Variants in RAPGEF4 observed in about 807,000 individuals in gnomAD.
RAPGEF4 encodes Rap guanine nucleotide exchange factor 4.
Under a neutral mutation model 147.9 loss-of-function variants are expected in RAPGEF4, and 66 were observed. The observed-to-expected ratio is 0.45, with a 90% CI of 0.37 to 0.55. The LOEUF (loss-of-function observed/expected upper bound fraction) is 0.55. Among genes scored for constraint, RAPGEF4 ranks in the 20% least tolerant of loss-of-function variants. RAPGEF4 has a pLI of 0.00. For synonymous variants in RAPGEF4, 419 were observed against 442.7 expected (o/e 0.95, Z 0.67); for missense variants, 1,071 against 1,257.3 (o/e 0.85, Z 2.24).
At chr2:173,029,779 T>A (rs1306695716) in intron 25 of RAPGEF4, among the ~76,000 whole-genome samples, 1 of 152,196 alleles carries the variant, frequency 6.6e-6, no homozygotes, top group African/African-American at 2.4e-5. Context: ...GAGGAGGATA[T>A]CCACCTTCAG....
chr2:172,831,207 C>T (rs1447999285), intron 4 of RAPGEF4, among the ~76,000 whole-genome samples: 2 of 148,198 alleles, frequency 1.3e-5, no homozygotes, highest in Admixed American at 6.8e-5. Context: ...CTATTAGCAC[C>T]GTCTGATGTT....
At chr2:172,850,499 T>A (rs1217569510) in intron 4 of RAPGEF4, among the ~76,000 whole-genome samples, 1 of 151,902 alleles carries the variant, frequency 6.6e-6, no homozygotes, top group Non-Finnish European at 1.5e-5. Context: ...GCACCTATAG[T>A]CCCAGCTACT....
intron 4 of RAPGEF4, among the ~76,000 whole-genome samples, chr2:172,819,105 A>G (rs1011741938): frequency 6.6e-6 from 1 of 152,114 alleles, no homozygotes; most frequent in Non-Finnish European, 1.5e-5. Flanking sequence ...TGTACCCTAC[A>G]TCTTTCCTAA....
At position 173,019,615 on chromosome 2, in the gene RAPGEF4, T is replaced by G. The variant is rs147587587; in HGVS notation, c.2155+813T>G. 3.5e-3 allele frequency among the ~76,000 whole-genome samples: 540 copies of G among 152,368 alleles called. 4 individuals are homozygous for G. Among genetic ancestry groups the G allele is most frequent in the Middle Eastern group, 0.017 (5 of 294 alleles). ...AACAGGTGAGCCATTTCTGTCATGTTTTAAGGTGAATGATTCCACTGATGG... is the reference window on the plus strand; with the variant it reads ...AACAGGTGAGCCATTTCTGTCATGTGTTAAGGTGAATGATTCCACTGATGG... On this transcript the variant is annotated intron_variant, in intron 22 of 30. Transcript: ENST00000397081.
chr2:172,830,057 G>A (rs1011477458), intron 4 of RAPGEF4, among the ~76,000 whole-genome samples: 1 of 151,988 alleles, frequency 6.6e-6, no homozygotes, highest in South Asian at 2.1e-4. Context: ...TTGGATAGGG[G>A]TCTGTTATCT....
intron 4 of RAPGEF4, chr2:172,860,079 A>G: frequency 1.0e-6 from 1 of 985,430 alleles, no homozygotes; most frequent in East Asian, 1.1e-4. Context: ...ACGGCTAAAG[A>G]AAGGTAGGAT....
chr2:172,811,725 A>G (rs72908134), intron 3 of RAPGEF4, among the ~76,000 whole-genome samples: 17,135 of 152,234 alleles, frequency 0.11, 1,011 homozygotes, highest in South Asian at 0.18. Context: ...TAGTGTGGAT[A>G]TCTAAGAGTG....
At chr2:172,957,945 A>G (rs1688909545) in intron 6 of RAPGEF4, among the ~76,000 whole-genome samples, 1 of 152,248 alleles carries the variant, frequency 6.6e-6, no homozygotes, top group Non-Finnish European at 1.5e-5. Context: ...CTGTCCAACA[A>G]AATAAAGTAG....
intron 4 of RAPGEF4, among the ~76,000 whole-genome samples, chr2:172,875,700 C>T (rs1411529173): frequency 1.3e-5 from 2 of 152,106 alleles, no homozygotes; most frequent in African/African-American, 4.8e-5. Flanking sequence ...CAGCTTTGTT[C>T]TTTTTGCTTA....
intron 6 of RAPGEF4, among the ~76,000 whole-genome samples, chr2:172,944,850 A>G (rs1346312947): frequency 6.6e-6 from 1 of 152,184 alleles, no homozygotes; most frequent in East Asian, 1.9e-4. Context: ...TTCTCATTGT[A>G]CTTGCAGATG....
chr2:172,798,104 C>T (rs1170914861), intron 3 of RAPGEF4, among the ~76,000 whole-genome samples: 3 of 152,026 alleles, frequency 2.0e-5, no homozygotes, highest in African/African-American at 4.8e-5. Flanking sequence ...TATTTCTCTG[C>T]CTTGTCTTTT....
chr2:173,052,533 T>A lies in RAPGEF4; in HGVS notation c.*766T>A, dbSNP rs1686345452. On this transcript the variant is annotated 3_prime_UTR_variant, in exon 31 of 31. Coordinates refer to ENST00000397081, the MANE Select transcript of RAPGEF4 (RefSeq NM_007023.4). ...ATATGCATAAAACATTTTTCAAAAT[T>A]GAAATATTTTCCTGGGCATTAAAAA... 6.6e-6 allele frequency: 1 copy of A among 152,620 alleles called. No homozygotes were observed. Among genetic ancestry groups the A allele is most frequent in the Admixed American group, 6.5e-5 (1 of 15,274 alleles). 9.5% of individuals were successfully genotyped at this position (152,620 alleles called of 1,614,324 possible).
At chr2:172,899,661 T>A (rs370583482) in intron 4 of RAPGEF4, among the ~76,000 whole-genome samples, 1 of 152,022 alleles carries the variant, frequency 6.6e-6, no homozygotes, top group African/African-American at 2.4e-5. Context: ...GCCAGGATGA[T>A]CCGTTTTTCT....
chr2:172,772,995 G>A (rs560811343), intron 1 of RAPGEF4, among the ~76,000 whole-genome samples: 9 of 152,132 alleles, frequency 5.9e-5, no homozygotes, highest in Admixed American at 4.6e-4. Context: ...AACTCATTAG[G>A]TCCACTTCCA....
chr2:172,922,229 C>T, intron 5 of RAPGEF4, 52 bp from the exon 6 acceptor site: 1 of 1,562,786 alleles, frequency 6.4e-7, no homozygotes, highest in Non-Finnish European at 8.8e-7. Flanking sequence ...TTCCACTTTA[C>T]CGGTTGATTA....
intron 19 of RAPGEF4, 80 bp from the exon 20 acceptor site, chr2:173,017,094 C>A: frequency 7.5e-7 from 1 of 1,332,178 alleles, no homozygotes; most frequent in Non-Finnish European, 1.1e-6. Context: ...CATTTTCTAA[C>A]ATAAGATTAG....
At chr2:172,967,075 T>C (rs1689919123) in intron 9 of RAPGEF4, 186 bp from the exon 10 acceptor site, 2 of 588,884 alleles carry the variant, frequency 3.4e-6, no homozygotes, top group African/African-American at 1.9e-5. Flanking sequence ...GTGGTGTGCA[T>C]GACTGCAGCC....
chr2:173,033,762 T>C (rs1683537612), intron 26 of RAPGEF4, 152 bp from the exon 27 acceptor site: 1 of 713,664 alleles, frequency 1.4e-6, no homozygotes, highest in African/African-American at 1.8e-5. Flanking sequence ...AAGATTATTC[T>C]CAAATGGCAA....
intron 1 of RAPGEF4, among the ~76,000 whole-genome samples, chr2:172,787,599 C>CTTTATTTATTTATTTATTTATTTA (rs60645567): frequency 3.3e-4 from 48 of 145,466 alleles, no homozygotes; most frequent in South Asian, 1.6e-3. Context: ...AAACAAAGTG[C>CTTTATTTATTTATTTATTTATTTA]TTTATTTATT....
Sources: gnomAD v4.1 joint callset for allele counts (sites outside exome capture counted in the v4.1 genomes callset) on GRCh38, gnomAD v4.1.1 for gene constraint, MANE v1.5 for transcripts, NCBI Gene and HGNC (gene_info 2026-07-23, HGNC 2026-07-21) for gene names.